FREM1: variants seen among roughly 807,000 people sequenced by gnomAD.
FREM1 encodes the protein FRAS1-related extracellular matrix protein 1.
A neutral mutation model predicts 210.1 loss-of-function variants in FREM1; 220 were observed. The ratio of observed to expected loss-of-function variants is 1.05; its 90% CI spans 0.94 to 1.17. The LOEUF is 1.17. Among genes scored for constraint, FREM1 ranks in the 50% most tolerant of loss-of-function variants. The probability of loss-of-function intolerance (pLI) is 0.00; values close to 1 mark genes in which losing one functional copy is unlikely to be tolerated. For synonymous variants in FREM1, 1,189 were observed against 980.2 expected (o/e 1.21, Z -3.98); for missense variants, 3,454 against 2,675.5 (o/e 1.29, Z -6.42).
chr9:14,775,690 A>G, intron 25 of FREM1, 99 bp downstream of exon 25: 2 of 767,434 alleles, frequency 2.6e-6, no homozygotes, highest in Non-Finnish European at 4.0e-6. Context: ...CCTGGGTGAC[A>G]GAGAGAGACT....
intron 10 of FREM1, among the ~76,000 whole-genome samples, chr9:14,840,897 A>T (rs1361134115): frequency 1.3e-5 from 2 of 152,230 alleles, no homozygotes; most frequent in Non-Finnish European, 2.9e-5. Context: ...GTGGTAGAAG[A>T]GACTCTTAGA....
chr9:14,749,300 G>C (rs1842953326), intron 30 of FREM1, among the ~76,000 whole-genome samples: 1 of 152,064 alleles, frequency 6.6e-6, no homozygotes, highest in South Asian at 2.1e-4. Context: ...AAATAAATTT[G>C]GTGAGGAAAG....
chr9:14,859,291 G>C lies in FREM1; in HGVS notation c.523C>G (p.Leu175Val), dbSNP rs1473771383. The C allele has an allele frequency of 6.2e-7, 1 of 1,613,862 alleles. No homozygotes were observed. Among genetic ancestry groups the C allele is most frequent in the Non-Finnish European group, 8.5e-7 (1 of 1,179,866 alleles). ...GGCAGCCGAGTTCTCGCAGTGTCCA[G>C]GCTGACGGTACATTCCAGGCTAGCC... ...RMASLECTVS[L>V]DTARTRLPAH... Residue 175 changes from leucine to valine, a missense_variant, in exon 4 of 37, where the codon CTG (leucine) becomes GTG (valine). Leu to Val is a conservative substitution (Grantham distance 32, BLOSUM62 1). Coordinates refer to ENST00000380880, the MANE Select transcript of FREM1 (RefSeq NM_001379081.2).
In FREM1 at chr9:14,746,380, T is replaced by C; in HGVS notation, c.6227A>G (p.Asn2076Ser). The part of the protein sequence containing the change: ...ILITEQKGTW[N>S]AAAQACREQY... Reference sequence around the variant, plus strand: ...TTCCCTGCAAGCTTGGGCAGCCGCATTCCAGGTGCCTTTCTGCTCTGTGAT... The same window carrying C: ...TTCCCTGCAAGCTTGGGCAGCCGCACTCCAGGTGCCTTTCTGCTCTGTGAT... The change falls in exon 35 of 37, where the codon AAT becomes AGT. Residue 2076 changes from asparagine to serine, a missense_variant. Asn to Ser is a conservative substitution (Grantham distance 46, BLOSUM62 1). Transcript: ENST00000380880. The C allele has an allele frequency of 1.2e-6, 2 of 1,613,780 alleles. No individual in the cohort carries two copies. The highest frequency in any genetic ancestry group is 1.7e-6 in the Non-Finnish European group (2 of 1,179,704).
At chr9:14,769,894 A>T in intron 26 of FREM1, 26 bp from the exon 27 acceptor site, 1 of 1,166,188 alleles carries the variant, frequency 8.6e-7, no homozygotes, top group Non-Finnish European at 1.2e-6. Context: ...AATGAATATC[A>T]TGGGTAATCA....
intron 15 of FREM1, among the ~76,000 whole-genome samples, chr9:14,815,998 T>C (rs760342594): frequency 1.5e-4 from 23 of 152,074 alleles, no homozygotes; most frequent in Non-Finnish European, 2.8e-4. Context: ...GGGGGAAATA[T>C]GATTAAATCC....
intron 24 of FREM1, among the ~76,000 whole-genome samples, chr9:14,781,697 A>T (rs1849664783): frequency 6.6e-6 from 1 of 152,104 alleles, no homozygotes; most frequent in Non-Finnish European, 1.5e-5. Flanking sequence ...GGCCCTAAAA[A>T]GGCTTCTATA....
rs543012617 is a variant in FREM1, at chr9:14,856,274, A to G, written c.828+1279T>C. On this transcript the variant is annotated intron_variant, in intron 5 of 36. Coordinates refer to ENST00000380880, the MANE Select transcript of FREM1 (RefSeq NM_001379081.2). ...TTAAGTGGACGTTTGAACCCAGGCA[A>G]TCTGGGCCCAGCGTCCATGCTCTTA... is the stretch of plus-strand genomic sequence containing the variant. Among the ~76,000 whole-genome samples, 201 of 152,326 alleles carry G rather than the reference A, an allele frequency of 1.3e-3. 1 individual carries two copies. The highest frequency in any genetic ancestry group is 3.4e-3 in the Middle Eastern group (1 of 294).
Position 14,823,304 on chromosome 9 carries a change from C to T in FREM1, c.2193G>A (p.Val731=). 1 of 1,613,778 alleles carries T rather than the reference C, an allele frequency of 6.2e-7. No homozygotes were observed. The highest frequency in any genetic ancestry group is 1.1e-5 in the South Asian group (1 of 91,044). ...FTQHAVNYMK[V]AYMPPMQDIG... is the part of the protein sequence containing the mutation. ...TGTCTTGCATGGGGGGCATGTAGGC[C>T]ACTTTCATATAGTTCACAGCATGCT... Residue 731 remains valine (V), a synonymous_variant, in exon 13 of 37, where the codon GTG becomes GTA. Coordinates refer to ENST00000380880, the MANE Select transcript of FREM1 (RefSeq NM_001379081.2).
intron 1 of FREM1, among the ~76,000 whole-genome samples, chr9:14,893,425 G>A (rs1010988402): frequency 6.6e-6 from 1 of 152,278 alleles, no homozygotes; most frequent in Non-Finnish European, 1.5e-5. Context: ...TTATGTCCTT[G>A]GGAGCTTGAT....
intron 7 of FREM1, among the ~76,000 whole-genome samples, chr9:14,847,426 A>AAGGGAGGGAGGGAGGG (rs767476714): frequency 1.9e-5 from 2 of 107,150 alleles, no homozygotes; most frequent in Non-Finnish European, 2.0e-5. Context: ...GGAAGGAAGG[A>AAGGGAGGGAGGGAGGG]AGGGAGGGAG....
chr9:14,765,922 C>T (rs751132470), intron 27 of FREM1, among the ~76,000 whole-genome samples: 5 of 152,178 alleles, frequency 3.3e-5, no homozygotes, highest in African/African-American at 7.2e-5. Context: ...CAGAAGTTGG[C>T]CACATTCTGT....
At chr9:14,861,738 C>T (rs1252222215) in intron 3 of FREM1, among the ~76,000 whole-genome samples, 1 of 152,038 alleles carries the variant, frequency 6.6e-6, no homozygotes, top group Non-Finnish European at 1.5e-5. Flanking sequence ...AACTCCTGAC[C>T]TCAGGTGATC....
intron 1 of FREM1, among the ~76,000 whole-genome samples, chr9:14,888,534 A>G (rs1836214309): frequency 6.6e-6 from 1 of 152,244 alleles, no homozygotes; most frequent in African/African-American, 2.4e-5. Flanking sequence ...CTTTAAGAGC[A>G]AATAATTAAG....
intron 25 of FREM1, among the ~76,000 whole-genome samples, chr9:14,774,538 TC>T (rs1848224282): frequency 2.0e-5 from 3 of 151,108 alleles, no homozygotes; most frequent in African/African-American, 7.3e-5. Context: ...TCTCTCTCTC[TC>T]TCTCTCTCTC....
In FREM1 at chr9:14,859,208, C is replaced by T; in HGVS notation, c.606G>A (p.Gln202=). 3.1e-6 allele frequency: 5 copies of T among 1,594,016 alleles called. No individual in the cohort carries two copies. Among genetic ancestry groups the T allele is most frequent in the Non-Finnish European group, 4.3e-6 (5 of 1,169,826 alleles). ...GGGACTCTGGGAAAAAACTGTGTGG[C>T]TGATCTCCACGAGGTTCTTCTGGTC... ...EPRPEEPRGD[Q]PHSFFPESQL... Residue 202 remains glutamine, a synonymous_variant, in exon 4 of 37, where the codon CAG becomes CAA. Coordinates refer to ENST00000380880, the MANE Select transcript of FREM1 (RefSeq NM_001379081.2).
At chr9:14,886,171 G>A (rs561897300) in intron 1 of FREM1, among the ~76,000 whole-genome samples, 1 of 152,154 alleles carries the variant, frequency 6.6e-6, no homozygotes, top group African/African-American at 2.4e-5. Flanking sequence ...CGGATCACGA[G>A]GTCAAGAGAT....
rs1314805409 is a variant in FREM1, at chr9:14,825,011, T to C, written c.1882-19A>G. 6 of 1,537,950 alleles carry C rather than the reference T, an allele frequency of 3.9e-6. No individual in the cohort carries two copies. The highest frequency in any genetic ancestry group is 1.3e-5 in the South Asian group (1 of 78,118). ...TTGCCACCTGGAATAAAAATGTCTG[T>C]ACCATTAATTTGAAATACCAAAAAA... On this transcript the variant is annotated intron_variant, in intron 10 of 36. Coordinates refer to ENST00000380880, the MANE Select transcript of FREM1 (RefSeq NM_001379081.2).
At chr9:14,881,734 T>C (rs546320867) in intron 1 of FREM1, among the ~76,000 whole-genome samples, 1 of 152,380 alleles carries the variant, frequency 6.6e-6, no homozygotes, top group East Asian at 1.9e-4. Flanking sequence ...TAACTAGGTA[T>C]ATAGTCACCC....
Sources: gnomAD v4.1 joint callset for allele counts (sites outside exome capture counted in the v4.1 genomes callset) on GRCh38, gnomAD v4.1.1 for gene constraint, MANE v1.5 for transcripts, NCBI Gene and HGNC (gene_info 2026-07-23, HGNC 2026-07-21) for gene names.